LRPPRC: variants seen among roughly 807,000 people sequenced by gnomAD.
LRPPRC encodes the protein leucine-rich PPR motif-containing protein, mitochondrial.
A neutral mutation model predicts 180.3 loss-of-function variants in LRPPRC; 120 were observed. The ratio of observed to expected loss-of-function variants is 0.67; its 90% CI spans 0.57 to 0.77. The LOEUF is 0.77. LRPPRC is among the 30% of genes least tolerant of loss of function. LRPPRC has a pLI of 0.00. For missense variants in LRPPRC, 2,012 were observed against 1,657.2 expected, an observed-to-expected ratio of 1.21 and a Z score of -3.72; for synonymous variants, 723 against 600.0, an observed-to-expected ratio of 1.21 and a Z score of -3.00.
In LRPPRC at chr2:43,973,651, A is replaced by C. The variant is rs768354996; in HGVS notation, c.1325T>G (p.Phe442Cys). ...EEGFPIRPHY[F>C]WPLLVGRRKE... ...CCGACGTCCAACTAGCAATGGCCAG[A>C]AATAGTGAGGTCTGATAGGAAAACC... The change falls in exon 11 of 38, where the codon TTC (phenylalanine) becomes TGC (cysteine). Residue 442 changes from phenylalanine to cysteine, a missense_variant. By Grantham distance (205) the Phe-to-Cys change is radical. Transcript: ENST00000260665. 5 of 1,613,990 alleles carry C rather than the reference A, an allele frequency of 3.1e-6. No individual in the cohort carries two copies. The East Asian group carries it at 8.9e-5, about 29-fold the overall frequency.
chr2:43,961,942 G>C (rs1053307818), intron 12 of LRPPRC, among the ~76,000 whole-genome samples: 1 of 152,126 alleles, frequency 6.6e-6, no homozygotes, highest in Non-Finnish European at 1.5e-5. Flanking sequence ...TAGCCTGGGC[G>C]ACAGAGCAAG....
Position 43,995,984 on chromosome 2 carries a change from C to T in LRPPRC, c.-37G>A. On this transcript the variant is annotated 5_prime_UTR_variant, in exon 1 of 38. Coordinates refer to ENST00000260665, the MANE Select transcript of LRPPRC (RefSeq NM_133259.4). ...CCCCGCAGCGGGAAGCACGCTCCGC[C>T]AGAAGGACAGGAGGAGCATGTGACC... 1 of 1,523,024 alleles carries T rather than the reference C, an allele frequency of 6.6e-7. No individual in the cohort carries two copies. Among genetic ancestry groups the T allele is most frequent in the Non-Finnish European group, 8.8e-7 (1 of 1,141,716 alleles). 94.3% of individuals were successfully genotyped at this position (1,523,024 alleles called of 1,614,324 possible).
At chr2:43,970,923 AC>A (rs1337090248) in intron 11 of LRPPRC, among the ~76,000 whole-genome samples, 1 of 152,018 alleles carries the variant, frequency 6.6e-6, no homozygotes, top group Non-Finnish European at 1.5e-5. Flanking sequence ...ACATGGTGAA[AC>A]CCCGTCTCTA....
chr2:43,951,148 G>A (rs889719870), intron 14 of LRPPRC, among the ~76,000 whole-genome samples: 4 of 152,224 alleles, frequency 2.6e-5, no homozygotes, highest in Admixed American at 6.5e-5. Context: ...CCTGGACCGG[G>A]TGATCAAAAC....
intron 21 of LRPPRC, among the ~76,000 whole-genome samples, 180 bp downstream of exon 21, chr2:43,945,933 G>A (rs563696669): frequency 7.0e-6 from 1 of 143,462 alleles, no homozygotes; most frequent in Non-Finnish European, 1.5e-5. Flanking sequence ...AAGACACCTT[G>A]CTGAACATAA....
chr2:43,893,927 C>T (rs907602431), intron 36 of LRPPRC, among the ~76,000 whole-genome samples: 2 of 152,082 alleles, frequency 1.3e-5, no homozygotes, highest in Non-Finnish European at 2.9e-5. Context: ...CAGTGGGCCA[C>T]AGATGGAGAG....
At chr2:43,936,949 T>C (rs1021545733) in intron 23 of LRPPRC, among the ~76,000 whole-genome samples, 1 of 152,314 alleles carries the variant, frequency 6.6e-6, no homozygotes, top group Non-Finnish European at 1.5e-5. Flanking sequence ...TTTCTATAAC[T>C]CTGCTTAACG....
In LRPPRC at chr2:43,943,766, G is replaced by A; in HGVS notation, c.2425C>T (p.His809Tyr). Residue 809 changes from histidine (H) to tyrosine (Y), a missense_variant, in exon 23 of 38, where the codon CAT (histidine) becomes TAT (tyrosine). By Grantham distance (83) the His-to-Tyr change is moderately conservative. Transcript: ENST00000260665. ...RGEIETVKQL[H>Y]EAIVTLGLAE... ...AACCCTAGAGTCACGATGGCTTCAT[G>A]CAACTGTTTTACTGTTTCAATTTCA... 1 of 1,613,486 alleles carries A rather than the reference G, an allele frequency of 6.2e-7. No individual in the cohort carries two copies. The highest frequency in any genetic ancestry group is 1.1e-5 in the South Asian group (1 of 91,074).
intron 25 of LRPPRC, among the ~76,000 whole-genome samples, chr2:43,933,626 G>A (rs1318926915): frequency 6.6e-6 from 1 of 152,038 alleles, no homozygotes; most frequent in African/African-American, 2.4e-5. Context: ...ATTTAGTAAA[G>A]CCTAGATAAA....
intron 23 of LRPPRC, among the ~76,000 whole-genome samples, chr2:43,937,869 A>T (rs547451746): frequency 2.0e-4 from 30 of 152,320 alleles, no homozygotes; most frequent in African/African-American, 7.0e-4. Context: ...ATTGCTTTAC[A>T]ACCAAAATGT....
At chr2:43,916,333 A>C (rs1318426526) in intron 29 of LRPPRC, among the ~76,000 whole-genome samples, 2 of 152,192 alleles carry the variant, frequency 1.3e-5, no homozygotes, top group African/African-American at 4.8e-5. Context: ...TCTAAGTAAA[A>C]ACATAAAATT....
chr2:43,980,330 G>A (rs1256780016), intron 2 of LRPPRC, among the ~76,000 whole-genome samples: 1 of 152,156 alleles, frequency 6.6e-6, no homozygotes, highest in Non-Finnish European at 1.5e-5. Flanking sequence ...GAGGCAGGCA[G>A]ATCACCTGAG....
chr2:43,934,935 T>C (rs1672224818), intron 23 of LRPPRC, 57 bp from the exon 24 acceptor site: 1 of 1,433,730 alleles, frequency 7.0e-7, no homozygotes, highest in Non-Finnish European at 9.8e-7. Flanking sequence ...CTTAGTCTCT[T>C]AGTAATACTT....
intron 29 of LRPPRC, among the ~76,000 whole-genome samples, chr2:43,913,979 A>G (rs899362878): frequency 6.6e-6 from 1 of 152,234 alleles, no homozygotes. Flanking sequence ...CAAATTTAAG[A>G]CTTTTATTTA....
Position 43,979,925 on chromosome 2 carries a change from A to G in LRPPRC, c.370T>C (p.Leu124=). ...GAACCACAACTACGTAGTAGAAGCA[A>G]GGCATGACTACCACCTAGGCCACCT... The part of the protein sequence containing the change: ...RSGGLGGSHA[L]LLLRSCGSLL... The change falls in exon 3 of 38, where the codon TTG becomes CTG. Residue 124 remains leucine (L), a synonymous_variant. Transcript: ENST00000260665. The G allele has an allele frequency of 1.2e-6, 2 of 1,613,898 alleles. No individual in the cohort carries two copies. Among genetic ancestry groups the G allele is most frequent in the African/African-American group, 1.3e-5 (1 of 75,064 alleles).
intron 29 of LRPPRC, among the ~76,000 whole-genome samples, chr2:43,916,044 C>T (rs988976219): frequency 6.6e-6 from 1 of 151,878 alleles, no homozygotes; most frequent in African/African-American, 2.4e-5. Context: ...GGATTATAGG[C>T]ATGAGCCTGC....
chr2:43,933,560 C>G (rs1375565608), intron 25 of LRPPRC, among the ~76,000 whole-genome samples: 1 of 152,118 alleles, frequency 6.6e-6, no homozygotes, highest in Admixed American at 6.6e-5. Flanking sequence ...TGAAATTAAT[C>G]ACAATTTGGA....
At chr2:43,987,626 A>G (rs1211413796) in intron 1 of LRPPRC, among the ~76,000 whole-genome samples, 1 of 152,074 alleles carries the variant, frequency 6.6e-6, no homozygotes, top group South Asian at 2.1e-4. Context: ...AAAGTCTCTC[A>G]GCCTTTACAT....
intron 11 of LRPPRC, among the ~76,000 whole-genome samples, chr2:43,968,510 C>T (rs1479571357): frequency 1.3e-5 from 2 of 152,168 alleles, no homozygotes; most frequent in Non-Finnish European, 2.9e-5. Flanking sequence ...TTCAATATTA[C>T]CACTTGGCTT....
Sources: gnomAD v4.1 joint callset for allele counts (sites outside exome capture counted in the v4.1 genomes callset) on GRCh38, gnomAD v4.1.1 for gene constraint, MANE v1.5 for transcripts, NCBI Gene and HGNC (gene_info 2026-07-23, HGNC 2026-07-21) for gene names.